The following MUC4 variants were observed in gnomAD, a reference collection of about 807,000 sequenced individuals.
The protein encoded by MUC4 is mucin-4.
In MUC4, 202 loss-of-function variants were observed where a neutral mutation model predicts 257.9. The observed-to-expected ratio is 0.78, with a 90% CI of 0.70 to 0.88. The LOEUF (loss-of-function observed/expected upper bound fraction) is 0.88, where lower values mean the gene tolerates loss of function less well. Ranked by LOEUF, MUC4 falls within the 40% of genes least tolerant of loss-of-function variation. The pLI, the probability that MUC4 is intolerant of heterozygous loss-of-function variation, is 0.00. For missense variants in MUC4, 5,976 were observed against 6,513.7 expected, an observed-to-expected ratio of 0.92 and a Z score of 2.84; for synonymous variants, 2,351 against 2,757.1, an observed-to-expected ratio of 0.85 and a Z score of 4.62.
Position 195,810,074 on chromosome 3 carries a change from G to A in MUC4, c.82+1662C>T, listed in dbSNP as rs1324074144. 6.6e-6 allele frequency: 1 copy of A among 152,316 alleles called. No individual in the cohort carries two copies. The highest frequency in any genetic ancestry group is 2.4e-5 in the African/African-American group (1 of 41,428). 9.4% of individuals were successfully genotyped at this position (152,316 alleles called of 1,614,324 possible). On this transcript the variant is annotated intron_variant, in intron 1 of 24. Transcript: ENST00000463781. The surrounding 1 kb of genome is among the most constrained non-coding windows in gnomAD (Gnocchi z 4.2). The stretch of plus-strand genomic sequence containing the variant: ...CTCCTTCCGGCCTCCACGTCCTCAC[G>A]GTGGGATGAGCACTGGAGCGGGGTT...
Position 195,763,546 on chromosome 3 carries a change from C to T in MUC4, c.14140G>A (p.Gly4714Arg), listed in dbSNP as rs781002016. 13 of 1,587,670 alleles carry T rather than the reference C, an allele frequency of 8.2e-6. No homozygotes were observed. Among genetic ancestry groups the T allele is most frequent in the South Asian group, 5.8e-5 (5 of 86,672 alleles). The change falls in exon 12 of 25, where the codon GGG (glycine) becomes AGG (arginine). Residue 4714 changes from glycine to arginine, a missense_variant. Coordinates refer to ENST00000463781, the MANE Select transcript of MUC4 (RefSeq NM_018406.7). Reference protein sequence around the residue: ...GDFLLVGAQDGNSSFLLQGRT... With the variant: ...GDFLLVGAQDRNSSFLLQGRT... ...CCCTGAAGCAGGAAGGAGGAGTTCCCGTCTTGGGCCCCGACCAGCAGGAAG... is the reference window on the plus strand; with the variant it reads ...CCCTGAAGCAGGAAGGAGGAGTTCCTGTCTTGGGCCCCGACCAGCAGGAAG...
chr3:195,748,036 G>T (rs1715461641), intron 24 of MUC4, among the ~76,000 whole-genome samples: 1 of 124,506 alleles, frequency 8.0e-6, no homozygotes, highest in Admixed American at 7.5e-5. Context: ...CGCTCCGCCC[G>T]CCCCCTCCTT....
chr3:195,811,151 ATTTATT>A (rs1736679009), intron 1 of MUC4, among the ~76,000 whole-genome samples: 1 of 19,418 alleles, frequency 5.1e-5, no homozygotes, highest in Admixed American at 4.6e-4. Flanking sequence ...TTTTATATTT[ATTTATT>A]TATTTATTTA....
At chr3:195,809,277 G>T (rs1366203532) in intron 1 of MUC4, among the ~76,000 whole-genome samples, 3 of 152,226 alleles carry the variant, frequency 2.0e-5, no homozygotes, top group African/African-American at 7.2e-5. Flanking sequence ...GCTTCAGTGT[G>T]ACCCAGCCTG....
At chr3:195,760,414 C>T (rs1274402734) in intron 16 of MUC4, among the ~76,000 whole-genome samples, 1 of 143,748 alleles carries the variant, frequency 7.0e-6, no homozygotes, top group Non-Finnish European at 1.5e-5. Flanking sequence ...GCGCACCTAG[C>T]GTGTTTGAAG....
chr3:195,761,482 A>G lies in MUC4; in HGVS notation c.14614+2T>C. 1.2e-6 allele frequency: 2 copies of G among 1,612,336 alleles called. No homozygotes were observed. Among genetic ancestry groups the G allele is most frequent in the Non-Finnish European group, 1.7e-6 (2 of 1,178,416 alleles). ...CTGCCCCAGGACCCTGCCCAGACTCACAGGTCATTCCAAAGTGGAAAAGCA... is the reference window on the plus strand; with the variant it reads ...CTGCCCCAGGACCCTGCCCAGACTCGCAGGTCATTCCAAAGTGGAAAAGCA... On this transcript the variant is annotated splice_donor_variant, in intron 15 of 24. Coordinates refer to ENST00000463781, the MANE Select transcript of MUC4 (RefSeq NM_018406.7). LOFTEE classifies it high-confidence loss of function.
At position 195,751,127 on chromosome 3, in the gene MUC4, A is replaced by C. The variant is rs1164661668; in HGVS notation, c.15648-15T>G. 1 of 1,022,498 alleles carries C rather than the reference A, an allele frequency of 9.8e-7. No individual in the cohort carries two copies. Among genetic ancestry groups the C allele is most frequent in the Admixed American group, 2.6e-5 (1 of 38,952 alleles). 63.3% of individuals were successfully genotyped at this position (1,022,498 alleles called of 1,614,324 possible). A position where few individuals can be genotyped will look rare whatever the true frequency, so the allele number is the denominator to read the frequency against. On this transcript the variant is annotated splice_polypyrimidine_tract_variant and intron_variant, in intron 22 of 24. Transcript: ENST00000463781. ...CTGCAGAATCGCTGTGTGGGAGGGCAACGGTGAGGGGGGGTGGGGGGCTGG... is the reference window on the plus strand; with the variant it reads ...CTGCAGAATCGCTGTGTGGGAGGGCCACGGTGAGGGGGGGTGGGGGGCTGG...
At chr3:195,794,660 C>T (rs9844491) in intron 1 of MUC4, among the ~76,000 whole-genome samples, 62,879 of 152,014 alleles carry the variant, frequency 0.41, 15,405 homozygotes, top group East Asian at 0.74. Flanking sequence ...CCGCTCCCAC[C>T]CTTTTTTTCA....
At chr3:195,775,157 C>T (rs1724075523) in intron 3 of MUC4, among the ~76,000 whole-genome samples, 1 of 152,068 alleles carries the variant, frequency 6.6e-6, no homozygotes. Context: ...GCTCTCCTGG[C>T]CTCCTCACTG....
intron 13 of MUC4, 65 bp from the exon 14 acceptor site, chr3:195,762,319 C>A: frequency 2.0e-6 from 3 of 1,474,146 alleles, no homozygotes; most frequent in Non-Finnish European, 2.7e-6. Flanking sequence ...CAAACCCGCG[C>A]CCTGCCGGGC....
chr3:195,792,344 A>G (rs1040185074), intron 1 of MUC4, among the ~76,000 whole-genome samples: 3 of 152,262 alleles, frequency 2.0e-5, no homozygotes, highest in African/African-American at 7.2e-5. Context: ...ACTTATCAAA[A>G]GAAGACATTT....
chr3:195,769,328 G>T, intron 6 of MUC4, 176 bp from the exon 7 acceptor site: 1 of 867,386 alleles, frequency 1.2e-6, no homozygotes, highest in Non-Finnish European at 1.7e-6. Context: ...AGTGAGGGCA[G>T]CTTTCACCCT....
rs13060286 is a variant in MUC4 at position 195,788,467 on chromosome 3, A to C, written c.3113T>G (p.Val1038Gly). 9.4e-6 allele frequency: 8 copies of C among 847,708 alleles called. No homozygotes were observed. Among genetic ancestry groups the C allele is most frequent in the South Asian group, 2.9e-5 (1 of 34,790 alleles). The allele number at this position is 847,708 out of a possible 1,614,324, so 52.5% of individuals were successfully genotyped here. A position where few individuals can be genotyped will look rare whatever the true frequency, so the allele number is the denominator to read the frequency against. The change falls in exon 2 of 25, where the codon GTC (valine) becomes GGC (glycine). Residue 1038 changes from valine (V) to glycine (G), a missense_variant. By Grantham distance (109) the Val-to-Gly change is moderately radical. Transcript: ENST00000463781. ...AAAGCTGGTGACAGGAAGAGGGGTG[A>C]CGTGACCTGTGGATTCTGAGGAAGT... ...TDTSSESTGH[V>G]TPLPVTSFSS...
chr3:195,765,104 C>T lies in MUC4; in HGVS notation c.13817G>A (p.Ser4606Asn), dbSNP rs1456228477. ...PVSIGRWGLG[S>N]RQLCSFTSWR... ...AGAGGTGAAGCTGCACAGCTGCCTA[C>T]TGCCGAGGCCCCAGCGACCTGAAAC... Residue 4606 changes from serine to asparagine, a missense_variant, in exon 10 of 25, where the codon AGT becomes AAT. Physicochemically the swap from Ser to Asn is conservative, Grantham distance 46 (BLOSUM62 1). Coordinates refer to ENST00000463781, the MANE Select transcript of MUC4 (RefSeq NM_018406.7). The T allele has an allele frequency of 3.7e-6, 6 of 1,613,180 alleles. No individual in the cohort carries two copies. Among genetic ancestry groups the T allele is most frequent in the African/African-American group, 2.7e-5 (2 of 74,932 alleles).
In MUC4 at chr3:195,788,757, C is replaced by A; in HGVS notation, c.2823G>T (p.Ser941=). 1 of 1,613,634 alleles carries A rather than the reference C, an allele frequency of 6.2e-7. No homozygotes were observed. The highest frequency in any genetic ancestry group is 8.5e-7 in the Non-Finnish European group (1 of 1,179,784). ...TFSTVPPTPP[S]ITSTGLTSPQ... ...GAGATGTAAGCCCAGTGGATGTGAT[C>A]GATGGAGGTGTGGGTGGGACTGTTG... The change falls in exon 2 of 25, where the codon TCG becomes TCT. Residue 941 remains serine, a synonymous_variant. Transcript: ENST00000463781.
chr3:195,762,114 A>G lies in MUC4; in HGVS notation c.14485T>C (p.Tyr4829His), dbSNP rs779303804. 6.2e-7 allele frequency: 1 copy of G among 1,606,102 alleles called. No homozygotes were observed. Among genetic ancestry groups the G allele is most frequent in the Non-Finnish European group, 8.5e-7 (1 of 1,178,230 alleles). ...LHASASLPPE[Y>H]QNRTEGLLGV... ...AGGAGCCCCTCCGTGCGGTTCTGGT[A>G]CTCGGGCGGGAGGCTGGCGGAGGCG... The change falls in exon 14 of 25, where the codon TAC (tyrosine) becomes CAC (histidine). Residue 4829 changes from tyrosine (Y) to histidine (H), a missense_variant. Physicochemically the swap from Tyr to His is moderately conservative, Grantham distance 83. Around this residue, in one of 44 missense-constraint regions of MUC4, gnomAD observed 996 missense variants for 1,137.3 expected, o/e 0.88. Transcript: ENST00000463781.
intron 14 of MUC4, 109 bp downstream of exon 14, chr3:195,761,978 A>AGGAGGCGGAGAAAG (rs1161539889): frequency 1.2e-5 from 15 of 1,286,478 alleles, no homozygotes; most frequent in East Asian, 2.5e-5. Flanking sequence ...TTCTGCTCCA[A>AGGAGGCGGAGAAAG]GGAGGCGGAG....
intron 3 of MUC4, among the ~76,000 whole-genome samples, chr3:195,776,576 A>ACACCCATACCTTCCG (rs1724809481): frequency 1.4e-4 from 1 of 7,184 alleles, no homozygotes; most frequent in Admixed American, 1.1e-3. Flanking sequence ...CATACCTTCC[A>ACACCCATACCTTCCG]CACCCATACC....
At chr3:195,763,393 T>G (rs867190675) in intron 12 of MUC4, 40 bp downstream of exon 12, 29 of 1,392,854 alleles carry the variant, frequency 2.1e-5, no homozygotes, top group Non-Finnish European at 2.7e-5. Context: ...AAGGTCCCTG[T>G]GGGTGGAATG....
Sources: allele counts gnomAD v4.1 joint callset (sites outside exome capture counted in the v4.1 genomes callset), GRCh38; gene constraint gnomAD v4.1.1; regional missense constraint gnomAD v4.1.1; non-coding constraint Gnocchi (gnomAD v3.1); transcripts MANE v1.5; gene names NCBI Gene and HGNC (gene_info 2026-07-23, HGNC 2026-07-21).